Variants in NPC2 observed in about 807,000 individuals in gnomAD.
NPC2 encodes the protein Niemann-Pick disease type C2 protein.
NPC2 carries 14 observed loss-of-function variants against 17.0 expected under a neutral mutation model. The observed-to-expected ratio is 0.82, with a 90% CI of 0.54 to 1.29. The LOEUF (loss-of-function observed/expected upper bound fraction) is 1.29, where lower values mean the gene tolerates loss of function less well. Among genes scored for constraint, NPC2 ranks in the 50% most tolerant of loss-of-function variants. NPC2 has a pLI of 0.00. For missense variants in NPC2, 167 were observed against 183.4 expected (o/e 0.91, Z 0.52); for synonymous variants, 75 against 69.3 (o/e 1.08, Z -0.41).
rs751963471 is a variant in NPC2, at chr14:74,480,648, T to G, written c.441+54A>C. Reference sequence around the variant, plus strand: ...GCACTGATTTAGTTTCAGTCTGATTTCTCCTCCACTTTCTTCCCTCCACCC... The same window carrying G: ...GCACTGATTTAGTTTCAGTCTGATTGCTCCTCCACTTTCTTCCCTCCACCC... On this transcript the variant is annotated intron_variant, in intron 4 of 4. Transcript: ENST00000555619. The G allele has an allele frequency of 2.1e-6, 3 of 1,399,636 alleles. No individual in the cohort carries two copies. The South Asian group carries it at 3.5e-5, about 16-fold the overall frequency. The allele number at this position is 1,399,636 out of a possible 1,614,324, so 86.7% of individuals were successfully genotyped here. A position where few individuals can be genotyped will look rare whatever the true frequency, so the allele number is the denominator to read the frequency against.
Position 74,493,114 on chromosome 14 carries a change from G to T in NPC2, c.82+79C>A. On this transcript the variant is annotated intron_variant, in intron 1 of 4. Coordinates refer to ENST00000555619, the MANE Select transcript of NPC2 (RefSeq NM_006432.5). The surrounding 1 kb of genome is among the most constrained non-coding windows in gnomAD (Gnocchi z 4.1). ...CCGCCCGAGGGATCCGCCCAGCCCA[G>T]CCCCAGGGGTCTCAGCGCGGGGGTC... 1 of 1,524,440 alleles carries T rather than the reference G, an allele frequency of 6.6e-7. No homozygotes were observed. The highest frequency in any genetic ancestry group is 1.4e-5 in the African/African-American group (1 of 72,880). 94.4% of individuals were successfully genotyped at this position (1,524,440 alleles called of 1,614,324 possible). A position where few individuals can be genotyped will look rare whatever the true frequency, so the allele number is the denominator to read the frequency against.
intron 3 of NPC2, chr14:74,483,505 C>G: frequency 6.4e-7 from 1 of 1,553,960 alleles, no homozygotes; most frequent in Non-Finnish European, 8.8e-7. Flanking sequence ...GTCTGCTGCT[C>G]TAGGCCCATA....
Position 74,480,015 on chromosome 14 carries a change from T to C in NPC2, c.*259A>G. On this transcript the variant is annotated 3_prime_UTR_variant, in exon 5 of 5. Transcript: ENST00000555619. ...GGTGTAGAAAGAGGCCACAAGTTAA[T>C]GTTGTTAAAAAAAAAATTAAACATC... The C allele has an allele frequency of 6.9e-7, 1 of 1,455,780 alleles. No homozygotes were observed. The highest frequency in any genetic ancestry group is 1.4e-5 in the South Asian group (1 of 73,640). 90.2% of individuals were successfully genotyped at this position (1,455,780 alleles called of 1,614,324 possible). A position where few individuals can be genotyped will look rare whatever the true frequency, so the allele number is the denominator to read the frequency against.
At chr14:74,486,487 A>G in intron 1 of NPC2, 51 bp from the exon 2 acceptor site, 1 of 1,466,444 alleles carries the variant, frequency 6.8e-7, no homozygotes, top group East Asian at 2.5e-5. Flanking sequence ...GAAATAAGCC[A>G]GCTAGGCTGC....
intron 1 of NPC2, among the ~76,000 whole-genome samples, chr14:74,491,742 T>C (rs2086775902): frequency 6.6e-6 from 1 of 152,242 alleles, no homozygotes; most frequent in Admixed American, 6.5e-5. Flanking sequence ...AGGACTCACC[T>C]ACCCATCTTC....
chr14:74,484,511 C>T lies in NPC2; in HGVS notation c.267G>A (p.Glu89=), dbSNP rs1391975409. 8 of 1,614,110 alleles carry T rather than the reference C, an allele frequency of 5.0e-6. No individual in the cohort carries two copies. The highest frequency in any genetic ancestry group is 1.7e-5 in the Admixed American group (1 of 60,010). Residue 89 remains glutamate, a synonymous_variant, in exon 3 of 5, where the codon GAG becomes GAA. Coordinates refer to ENST00000555619, the MANE Select transcript of NPC2 (RefSeq NM_006432.5). The stretch of plus-strand genomic sequence containing the variant: ...TAATTCCACTCTTACAACCATCAGG[C>T]TCAGGAATGGGAAAGGGAACTGGGA... ...MGVPVPFPIP[E]PDGCKSGINC... is the part of the protein sequence containing the mutation.
At chr14:74,482,576 G>A (rs142313894) in intron 3 of NPC2, among the ~76,000 whole-genome samples, 1 of 152,314 alleles carries the variant, frequency 6.6e-6, no homozygotes, top group East Asian at 1.9e-4. Context: ...GATTAATGGA[G>A]AAACCAGGAT....
At chr14:74,484,305 A>T (rs1595222711) in intron 3 of NPC2, 110 bp downstream of exon 3, 13 of 1,122,726 alleles carry the variant, frequency 1.2e-5, no homozygotes, top group Non-Finnish European at 1.6e-5. Flanking sequence ...CTTCTTCTTC[A>T]TCATAGAGAT....
chr14:74,487,966 A>G (rs1180808520), intron 1 of NPC2, among the ~76,000 whole-genome samples: 1 of 152,216 alleles, frequency 6.6e-6, no homozygotes, highest in Non-Finnish European at 1.5e-5. Context: ...GAAGGGGCAG[A>G]TCGAAGACTC....
intron 4 of NPC2, 32 bp from the exon 5 acceptor site, chr14:74,480,320 T>C: frequency 6.3e-7 from 1 of 1,583,714 alleles, no homozygotes; most frequent in Non-Finnish European, 8.7e-7. Flanking sequence ...TCAGTGGAAG[T>C]GGTTTGGAAC....
rs767330361 is a variant in NPC2 at position 74,484,575 on chromosome 14, T to A, written c.203A>T (p.Lys68Ile). The change falls in exon 3 of 5, where the codon AAA (lysine) becomes ATA (isoleucine). Residue 68 changes from lysine to isoleucine, a missense_variant. Lys to Ile is a moderately radical substitution (Grantham distance 102). Transcript: ENST00000555619. ...GCCATGCACCACGGCCTTGCTGCTT[T>A]TAGACTGAATATCTAAGAGAAAAAA... Reference protein sequence around the residue: ...NVTFTSNIQSKSSKAVVHGIL... With the variant: ...NVTFTSNIQSISSKAVVHGIL... 6.8e-6 allele frequency: 11 copies of A among 1,613,926 alleles called. No individual in the cohort carries two copies. In the African/African-American group the frequency reaches 1.5e-4, roughly 22 times the overall value.
chr14:74,480,172 C>A lies in NPC2; in HGVS notation c.*102G>T. The A allele has an allele frequency of 6.2e-7, 1 of 1,612,016 alleles. No individual in the cohort carries two copies. Among genetic ancestry groups the A allele is most frequent in the Middle Eastern group, 1.6e-4 (1 of 6,062 alleles). On this transcript the variant is annotated 3_prime_UTR_variant, in exon 5 of 5. Coordinates refer to ENST00000555619, the MANE Select transcript of NPC2 (RefSeq NM_006432.5). ...CTCCTCTTCAACGAATCACTGGATACCATTGGAGAGCAAGTCACTGTTGTT... is the reference window on the plus strand; with the variant it reads ...CTCCTCTTCAACGAATCACTGGATAACATTGGAGAGCAAGTCACTGTTGTT...
chr14:74,480,926 T>C (rs2086649775), intron 3 of NPC2, 147 bp from the exon 4 acceptor site: 1 of 770,902 alleles, frequency 1.3e-6, no homozygotes, highest in Non-Finnish European at 2.3e-6. Context: ...CTGCTTAGCA[T>C]GTGGGCACAG....
At chr14:74,487,676 G>A (rs1025994471) in intron 1 of NPC2, among the ~76,000 whole-genome samples, 1 of 152,182 alleles carries the variant, frequency 6.6e-6, no homozygotes, top group Non-Finnish European at 1.5e-5. Context: ...AGTTCTACAT[G>A]AGCAAACACT....
At chr14:74,483,513 A>G in intron 3 of NPC2, 2 of 1,542,902 alleles carry the variant, frequency 1.3e-6, no homozygotes, top group Admixed American at 1.9e-5. Context: ...CTCTAGGCCC[A>G]TAGTCAGCAG....
At chr14:74,490,434 C>A (rs1458611756) in intron 1 of NPC2, among the ~76,000 whole-genome samples, 1 of 152,216 alleles carries the variant, frequency 6.6e-6, no homozygotes, top group East Asian at 1.9e-4. Context: ...CACTCTCTTC[C>A]ACTCCAACCC....
chr14:74,482,774 T>C (rs2086668096), intron 3 of NPC2, among the ~76,000 whole-genome samples: 1 of 152,006 alleles, frequency 6.6e-6, no homozygotes, highest in South Asian at 2.1e-4. Flanking sequence ...AGCTGTAAAA[T>C]AGAGATAATA....
At chr14:74,482,650 T>C (rs145945851) in intron 3 of NPC2, among the ~76,000 whole-genome samples, 120 of 152,344 alleles carry the variant, frequency 7.9e-4, no homozygotes, top group Admixed American at 1.4e-3. Flanking sequence ...TAAAATCTTT[T>C]AACATTGCAC....
chr14:74,491,004 G>A (rs1043190013), intron 1 of NPC2, among the ~76,000 whole-genome samples: 2 of 152,134 alleles, frequency 1.3e-5, no homozygotes, highest in Non-Finnish European at 2.9e-5. Flanking sequence ...TGAGATCTTG[G>A]GCAAGTTACT....
Sources: allele counts gnomAD v4.1 joint callset (sites outside exome capture counted in the v4.1 genomes callset), GRCh38; gene constraint gnomAD v4.1.1; non-coding constraint Gnocchi (gnomAD v3.1); transcripts MANE v1.5; gene names NCBI Gene and HGNC (gene_info 2026-07-23, HGNC 2026-07-21).